CEP112: variants seen among roughly 807,000 people sequenced by gnomAD.
CEP112 encodes the protein centrosomal protein of 112 kDa.
A neutral mutation model predicts 153.0 loss-of-function variants in CEP112; 127 were observed. The observed-to-expected ratio is 0.83, with a 90% confidence interval of 0.72 to 0.96. The LOEUF is 0.96. CEP112 is among the 40% of genes least tolerant of loss of function. CEP112 has a pLI of 0.00. For missense variants in CEP112, 1,089 were observed against 1,101.2 expected, an observed-to-expected ratio of 0.99 and a Z score of 0.16; for synonymous variants, 358 against 374.4, an observed-to-expected ratio of 0.96 and a Z score of 0.51.
intron 16 of CEP112, among the ~76,000 whole-genome samples, chr17:66,007,771 A>C (rs2064335589): frequency 6.6e-6 from 1 of 152,166 alleles, no homozygotes; most frequent in Non-Finnish European, 1.5e-5. Context: ...TAAAGGGAGA[A>C]ACTAATATGT....
intron 21 of CEP112, among the ~76,000 whole-genome samples, chr17:65,812,817 G>A (rs755797509): frequency 5.3e-5 from 8 of 152,076 alleles, no homozygotes; most frequent in Non-Finnish European, 8.8e-5. Context: ...TTCTACAGAT[G>A]CCAATGCAAA....
chr17:65,970,527 T>C (rs926442297), intron 17 of CEP112, among the ~76,000 whole-genome samples: 14 of 151,832 alleles, frequency 9.2e-5, no homozygotes, highest in African/African-American at 3.4e-4. Flanking sequence ...ATTAAATACA[T>C]GTATAACACA....
intron 16 of CEP112, among the ~76,000 whole-genome samples, chr17:66,009,233 T>TGTGTGTGTGTGTGTGTGTGTG: frequency 7.3e-6 from 1 of 137,108 alleles, no homozygotes; most frequent in African/African-American, 3.0e-5. Flanking sequence ...GTGTGTGTGT[T>TGTGTGTGTGTGTGTGTGTGTG]AGCAAAAGCC....
intron 23 of CEP112, among the ~76,000 whole-genome samples, chr17:65,714,461 A>G (rs921018671): frequency 1.3e-5 from 2 of 152,054 alleles, no homozygotes; most frequent in African/African-American, 2.4e-5. Flanking sequence ...AATGAAGATG[A>G]ACATCTTTAA....
chr17:65,836,513 G>T (rs976227540), intron 21 of CEP112, among the ~76,000 whole-genome samples: 4 of 152,082 alleles, frequency 2.6e-5, no homozygotes, highest in African/African-American at 9.7e-5. Context: ...AGTTTATGTT[G>T]ACTTTAAGAA....
In CEP112 at chr17:65,766,707, T is replaced by TAAA. The variant is rs139229209; in HGVS notation, c.2395-15986_2395-15984dup. ...GGAAGAAGCTATTGCACGCAAATGG[T>TAAA]AAAAAAAAAAAAAGAGAGAACAGAA... is the stretch of plus-strand genomic sequence containing the variant. On this transcript the variant is annotated intron_variant, in intron 21 of 26. Coordinates refer to ENST00000535342, the MANE Select transcript of CEP112 (RefSeq NM_001199165.4). Among the ~76,000 whole-genome samples the TAAA allele has an allele frequency of 4.5e-3, 630 of 140,396 alleles. 5 individuals carry two copies. Among genetic ancestry groups the TAAA allele is most frequent in the African/African-American group, 0.016 (614 of 38,748 alleles). 92.1% of individuals were successfully genotyped at this position (140,396 alleles called of 152,430 possible).
intron 24 of CEP112, among the ~76,000 whole-genome samples, chr17:65,675,139 A>G (rs1172188820): frequency 6.6e-6 from 1 of 152,244 alleles, no homozygotes; most frequent in Non-Finnish European, 1.5e-5. Context: ...AAATACAGAC[A>G]TAGGAAACAG....
chr17:66,155,451 C>A (rs986226778), intron 4 of CEP112, among the ~76,000 whole-genome samples: 1 of 151,834 alleles, frequency 6.6e-6, no homozygotes, highest in African/African-American at 2.4e-5. Context: ...GTTTCAAGCA[C>A]AAAACTGGGT....
intron 20 of CEP112, among the ~76,000 whole-genome samples, chr17:65,876,988 T>C (rs2058851187): frequency 6.6e-6 from 1 of 152,180 alleles, no homozygotes; most frequent in Admixed American, 6.5e-5. Context: ...GTCTTTCTCA[T>C]GCCTCTCAGG....
chr17:65,792,084 A>T (rs552825016), intron 21 of CEP112, among the ~76,000 whole-genome samples: 1 of 152,316 alleles, frequency 6.6e-6, no homozygotes, highest in Non-Finnish European at 1.5e-5. Context: ...CCGCAGCTTT[A>T]CCTAAATCAG....
At chr17:66,165,207 A>G (rs553728154) in intron 4 of CEP112, among the ~76,000 whole-genome samples, 1 of 150,688 alleles carries the variant, frequency 6.6e-6, no homozygotes, top group Admixed American at 6.7e-5. Flanking sequence ...GCCAAGCAGA[A>G]GATTCGGATC....
intron 4 of CEP112, among the ~76,000 whole-genome samples, chr17:66,141,259 A>G (rs985684382): frequency 6.6e-6 from 1 of 151,806 alleles, no homozygotes; most frequent in East Asian, 1.9e-4. Context: ...TGTGATTTTC[A>G]GATTTAGTAA....
intron 20 of CEP112, among the ~76,000 whole-genome samples, chr17:65,878,447 G>A (rs569967840): frequency 4.1e-4 from 62 of 152,188 alleles, no homozygotes; most frequent in Middle Eastern, 3.4e-3. Context: ...ACTGCTAAGC[G>A]ACCTTGAGTA....
chr17:65,884,803 C>T (rs776070298), intron 20 of CEP112, among the ~76,000 whole-genome samples: 24 of 150,710 alleles, frequency 1.6e-4, no homozygotes, highest in Non-Finnish European at 2.4e-4. Flanking sequence ...CCACAACCTC[C>T]GCCTCCTGGG....
chr17:65,895,334 CTTGTTG>C (rs34014813), intron 20 of CEP112, among the ~76,000 whole-genome samples: 10 of 151,544 alleles, frequency 6.6e-5, no homozygotes, highest in Admixed American at 2.0e-4. Context: ...ACCATAAATA[CTTGTTG>C]TTGTTGTTGT....
chr17:66,038,686 C>G (rs955195409), intron 12 of CEP112, among the ~76,000 whole-genome samples: 1 of 152,124 alleles, frequency 6.6e-6, no homozygotes, highest in Non-Finnish European at 1.5e-5. Flanking sequence ...AGTTACTGTA[C>G]AGAAAATGAT....
rs2072321419 is a variant in CEP112 at position 66,173,281 on chromosome 17, T to C, written c.470+1763A>G. Reference sequence around the variant, plus strand: ...CTAAGGGGGGTAACCAAGCACTACTTAGCTCCAACATATGGCTGTCTCTTA... The same window carrying C: ...CTAAGGGGGGTAACCAAGCACTACTCAGCTCCAACATATGGCTGTCTCTTA... On this transcript the variant is annotated intron_variant, in intron 4 of 26. Transcript: ENST00000535342. 2.0e-5 allele frequency among the ~76,000 whole-genome samples: 3 copies of C among 152,190 alleles called. No individual in the cohort carries two copies. In the South Asian group the frequency reaches 6.2e-4, roughly 31 times the overall value.
intron 17 of CEP112, among the ~76,000 whole-genome samples, chr17:65,993,575 C>T (rs2063674158): frequency 6.6e-6 from 1 of 152,070 alleles, no homozygotes; most frequent in Admixed American, 6.6e-5. Context: ...ATAATATCCC[C>T]AAACCAGAAG....
chr17:66,126,300 T>G (rs149602152), intron 6 of CEP112, among the ~76,000 whole-genome samples: 4 of 152,212 alleles, frequency 2.6e-5, no homozygotes, highest in African/African-American at 9.6e-5. Context: ...TCTTAAGATA[T>G]TACATTAATC....
Sources: gnomAD v4.1 joint callset for allele counts (sites outside exome capture counted in the v4.1 genomes callset) on GRCh38, gnomAD v4.1.1 for gene constraint, MANE v1.5 for transcripts, NCBI Gene and HGNC (gene_info 2026-07-23, HGNC 2026-07-21) for gene names.